Variants in ATP11A observed in about 807,000 individuals in gnomAD.
ATP11A encodes phospholipid-transporting ATPase IH.
ATP11A carries 81 observed loss-of-function variants against 154.4 expected under a neutral mutation model. That is an observed-to-expected ratio of 0.52 (90% CI 0.44 to 0.63). The LOEUF (loss-of-function observed/expected upper bound fraction) is 0.63. Among genes scored for constraint, ATP11A ranks in the 30% least tolerant of loss-of-function variants. The pLI is 0.00. For synonymous variants in ATP11A, 623 were observed against 585.9 expected (o/e 1.06, Z -0.91); for missense variants, 1,316 against 1,474.3 (o/e 0.89, Z 1.76).
At chr13:112,724,100 C>T (rs1028182741) in intron 1 of ATP11A, among the ~76,000 whole-genome samples, 17 of 141,828 alleles carry the variant, frequency 1.2e-4, no homozygotes, top group African/African-American at 4.5e-4. Context: ...CCTATCGTCC[C>T]CATCGCCCCC....
chr13:112,832,754 C>CG, intron 13 of ATP11A, 106 bp from the exon 14 acceptor site: 1 of 1,423,264 alleles, frequency 7.0e-7, no homozygotes, highest in Non-Finnish European at 9.6e-7. Flanking sequence ...TTCGTGGCCG[C>CG]GGGGACCCCC....
chr13:112,722,231 G>A (rs1889283668), intron 1 of ATP11A, among the ~76,000 whole-genome samples: 1 of 141,334 alleles, frequency 7.1e-6, no homozygotes, highest in Non-Finnish European at 1.5e-5. Context: ...ATTGTACAAT[G>A]GTTTTGCCCA....
intron 17 of ATP11A, among the ~76,000 whole-genome samples, chr13:112,846,992 A>G (rs2079628033): frequency 6.6e-6 from 1 of 152,102 alleles, no homozygotes; most frequent in Non-Finnish European, 1.5e-5. Context: ...TCACAGTTGC[A>G]GGTGCTTGAG....
intron 16 of ATP11A, among the ~76,000 whole-genome samples, chr13:112,841,494 C>T (rs572166980): frequency 5.1e-4 from 75 of 147,290 alleles, no homozygotes; most frequent in African/African-American, 1.7e-3. Context: ...ACAAACCAGC[C>T]GCCTGGCAGA....
chr13:112,769,374 G>C (rs2077173315), intron 1 of ATP11A, among the ~76,000 whole-genome samples: 1 of 152,244 alleles, frequency 6.6e-6, no homozygotes, highest in South Asian at 2.1e-4. Context: ...GTCCCGGCCA[G>C]TGGCTTGTGA....
chr13:112,812,722 A>G (rs934260330), intron 5 of ATP11A, among the ~76,000 whole-genome samples: 4 of 152,214 alleles, frequency 2.6e-5, no homozygotes, highest in African/African-American at 9.7e-5. Context: ...ATTTTCACTT[A>G]TAAACGTGCT....
At chr13:112,693,433 T>C (rs1191376629) in intron 1 of ATP11A, among the ~76,000 whole-genome samples, 1 of 150,830 alleles carries the variant, frequency 6.6e-6, no homozygotes, top group Non-Finnish European at 1.5e-5. Context: ...AGGTGGTGTA[T>C]GCTCTCTGGG....
chr13:112,835,431 C>T (rs2079205559), intron 15 of ATP11A, among the ~76,000 whole-genome samples: 1 of 152,250 alleles, frequency 6.6e-6, no homozygotes, highest in South Asian at 2.1e-4. Context: ...GGCGGGGCTC[C>T]TGGGCCCTCC....
At chr13:112,735,285 G>A (rs1031969774) in intron 1 of ATP11A, among the ~76,000 whole-genome samples, 4 of 152,042 alleles carry the variant, frequency 2.6e-5, no homozygotes, top group Admixed American at 1.3e-4. Context: ...GTTTTTTTCC[G>A]TTAAATAAAA....
chr13:112,768,756 G>T (rs1045587903), intron 1 of ATP11A, among the ~76,000 whole-genome samples: 1 of 152,180 alleles, frequency 6.6e-6, no homozygotes, highest in African/African-American at 2.4e-5. Flanking sequence ...GCGACCCCTC[G>T]GTGTTCCCGC....
intron 2 of ATP11A, among the ~76,000 whole-genome samples, chr13:112,790,494 G>T (rs112460387): frequency 2.1e-5 from 3 of 145,172 alleles, no homozygotes; most frequent in African/African-American, 8.1e-5. Flanking sequence ...AATTCACACC[G>T]GGTGTCCTGA....
intron 1 of ATP11A, among the ~76,000 whole-genome samples, chr13:112,712,860 G>A (rs999819318): frequency 5.9e-5 from 9 of 152,232 alleles, no homozygotes; most frequent in African/African-American, 1.9e-4. Flanking sequence ...TGTGTCTCTG[G>A]TGTTTGCTGA....
chr13:112,721,609 G>A (rs1889195103), intron 1 of ATP11A, among the ~76,000 whole-genome samples: 1 of 152,124 alleles, frequency 6.6e-6, no homozygotes, highest in African/African-American at 2.4e-5. Flanking sequence ...CCAGGAGTGA[G>A]GAAGTGGGAG....
chr13:112,795,292 C>G (rs2077971541), intron 2 of ATP11A, among the ~76,000 whole-genome samples: 1 of 152,204 alleles, frequency 6.6e-6, no homozygotes, highest in Admixed American at 6.5e-5. Context: ...GTTTGCACAG[C>G]CTTCCAGGCC....
chr13:112,766,505 G>A (rs1353336252), intron 1 of ATP11A, among the ~76,000 whole-genome samples: 4 of 152,228 alleles, frequency 2.6e-5, no homozygotes, highest in East Asian at 2.0e-4. Context: ...CAGAAGGTGC[G>A]TCCCGGCTGA....
In ATP11A at chr13:112,810,677, A is replaced by G; in HGVS notation, c.392A>G (p.His131Arg). Reference sequence around the variant, plus strand: ...AATGCCATGAACCAGTGTCCTGTTCATTTCATTCAGCACGGCAAGCTCGTT... The same window carrying G: ...AATGCCATGAACCAGTGTCCTGTTCGTTTCATTCAGCACGGCAAGCTCGTT... ...ADNAMNQCPV[H>R]FIQHGKLVRK... Residue 131 changes from histidine to arginine, a missense_variant, in exon 5 of 30, where the codon CAT (histidine) becomes CGT (arginine). His to Arg is a conservative substitution (Grantham distance 29). This residue lies in a region of ATP11A where 876 missense variants were observed against 1,006.8 expected (regional missense o/e 0.87). Coordinates refer to ENST00000375645, the MANE Select transcript of ATP11A (RefSeq NM_015205.3). 4.3e-6 allele frequency: 7 copies of G among 1,614,126 alleles called. No individual in the cohort carries two copies. The highest frequency in any genetic ancestry group is 3.4e-6 in the Non-Finnish European group (4 of 1,180,036).
chr13:112,700,384 TGCC>T (rs1886376453), intron 1 of ATP11A, among the ~76,000 whole-genome samples: 3 of 152,166 alleles, frequency 2.0e-5, no homozygotes, highest in Non-Finnish European at 2.9e-5. Flanking sequence ...GAGAAGGGGC[TGCC>T]GTCCGGCATG....
chr13:112,873,985 G>A (rs1405834224), intron 27 of ATP11A, among the ~76,000 whole-genome samples: 2 of 152,244 alleles, frequency 1.3e-5, no homozygotes, highest in African/African-American at 2.4e-5. Context: ...TGAAAGGCCA[G>A]AGGTGACTTT....
chr13:112,847,253 G>T (rs1200356169), intron 17 of ATP11A, among the ~76,000 whole-genome samples: 2 of 152,198 alleles, frequency 1.3e-5, no homozygotes, highest in Non-Finnish European at 1.5e-5. Context: ...AGTCCAGAGG[G>T]GCCTGTGTGT....
Sources: gnomAD v4.1 joint callset for allele counts (sites outside exome capture counted in the v4.1 genomes callset) on GRCh38, gnomAD v4.1.1 for gene constraint, gnomAD v4.1.1 regional missense constraint, MANE v1.5 for transcripts, NCBI Gene and HGNC (gene_info 2026-07-23, HGNC 2026-07-21) for gene names.